Variants in NPM1 observed in about 807,000 individuals in gnomAD.
NPM1 encodes the protein nucleophosmin.
NPM1 carries 1 observed loss-of-function variant against 44.1 expected under a neutral mutation model. The ratio of observed to expected loss-of-function variants is 0.02; its 90% CI spans 0.01 to 0.11. The LOEUF (loss-of-function observed/expected upper bound fraction) is 0.11. NPM1 is among the 10% of genes least tolerant of loss of function. NPM1 has a pLI of 1.00. For missense variants in NPM1, 197 were observed against 347.8 expected, an observed-to-expected ratio of 0.57 and a Z score of 3.45; for synonymous variants, 126 against 111.8, an observed-to-expected ratio of 1.13 and a Z score of -0.80.
Position 171,387,919 on chromosome 5 carries a change from C to G in NPM1, c.-30C>G. 1 of 1,605,468 alleles carries G rather than the reference C, an allele frequency of 6.2e-7. No homozygotes were observed. Among genetic ancestry groups the G allele is most frequent in the South Asian group, 1.1e-5 (1 of 90,854 alleles). ...GCGTTCTTTTATCTCCGTCCGCCTT[C>G]TCTCCTACCTAAGTGCGTGCCGCCA... is the stretch of plus-strand genomic sequence containing the variant. On this transcript the variant is annotated 5_prime_UTR_variant, in exon 1 of 11. Transcript: ENST00000296930.
intron 1 of NPM1, among the ~76,000 whole-genome samples, 197 bp downstream of exon 1, chr5:171,388,203 G>A (rs1215388685): frequency 1.3e-5 from 2 of 151,988 alleles, no homozygotes; most frequent in African/African-American, 4.8e-5. Flanking sequence ...GTGGCGTGAA[G>A]GGGGAGGAGA....
chr5:171,389,813 A>G (rs754997796), intron 1 of NPM1, among the ~76,000 whole-genome samples: 21 of 152,218 alleles, frequency 1.4e-4, no homozygotes, highest in African/African-American at 5.1e-4. Context: ...AACAGTACCT[A>G]TCAGCGTAGT....
chr5:171,393,860 C>T (rs1484972193), intron 6 of NPM1, among the ~76,000 whole-genome samples: 3 of 152,098 alleles, frequency 2.0e-5, no homozygotes, highest in South Asian at 2.1e-4. Context: ...TGACCAGGCG[C>T]AGTGGTTCAC....
rs548074459 is a variant in NPM1, at chr5:171,388,898, T to A, written c.58+892T>A. The stretch of plus-strand genomic sequence containing the variant: ...TTAGTAAAGGCAATAAGAGACTAAA[T>A]CTAAACCAAGACGCTTGACTCCGTA... On this transcript the variant is annotated intron_variant, in intron 1 of 10. Transcript: ENST00000296930. 6.6e-5 allele frequency among the ~76,000 whole-genome samples: 10 copies of A among 152,294 alleles called. No homozygotes were observed. The South Asian group carries it at 2.1e-3, about 32-fold the overall frequency.
intron 6 of NPM1, among the ~76,000 whole-genome samples, chr5:171,396,924 G>T (rs1770925586): frequency 6.6e-6 from 1 of 152,054 alleles, no homozygotes; most frequent in South Asian, 2.1e-4. Context: ...AGTGAGCCGA[G>T]ATCGCACCAT....
chr5:171,397,086 C>T (rs1324841767), intron 6 of NPM1, among the ~76,000 whole-genome samples: 2 of 152,164 alleles, frequency 1.3e-5, no homozygotes, highest in Non-Finnish European at 2.9e-5. Flanking sequence ...AGGTATTACC[C>T]CTCATGCTCT....
At chr5:171,395,567 G>A (rs1238099178) in intron 6 of NPM1, among the ~76,000 whole-genome samples, 3 of 152,062 alleles carry the variant, frequency 2.0e-5, no homozygotes, top group South Asian at 2.1e-4. Context: ...ATGCACCGCC[G>A]CAAGTTTTCA....
At chr5:171,389,977 C>A in intron 1 of NPM1, 74 bp from the exon 2 acceptor site, 1 of 875,238 alleles carries the variant, frequency 1.1e-6, no homozygotes, top group Non-Finnish European at 1.8e-6. Flanking sequence ...TAGACCTGAC[C>A]TTTTTGGTTA....
chr5:171,409,927 TG>T (rs1315727904), intron 10 of NPM1, among the ~76,000 whole-genome samples: 1 of 152,144 alleles, frequency 6.6e-6, no homozygotes, highest in African/African-American at 2.4e-5. Context: ...CCTGAGTAGC[TG>T]GGCCTCCTGT....
intron 6 of NPM1, among the ~76,000 whole-genome samples, chr5:171,394,095 G>GTGGTGGAGT (rs1770743489): frequency 7.2e-6 from 1 of 139,574 alleles, no homozygotes; most frequent in African/African-American, 2.7e-5. Flanking sequence ...AGGCTGGAGT[G>GTGGTGGAGT]CGGTGGCGCC....
intron 8 of NPM1, among the ~76,000 whole-genome samples, chr5:171,404,695 G>A (rs911295429): frequency 2.1e-5 from 3 of 143,542 alleles, no homozygotes; most frequent in South Asian, 2.5e-4. Context: ...CAGACGATGG[G>A]CGGCCAGGCA....
chr5:171,398,076 T>C (rs186975097), intron 6 of NPM1, among the ~76,000 whole-genome samples: 63 of 151,766 alleles, frequency 4.2e-4, no homozygotes, highest in African/African-American at 1.5e-3. Flanking sequence ...CGTGAGCCAC[T>C]GCACTGGGCC....
chr5:171,389,943 A>G (rs2113157766), intron 1 of NPM1, 108 bp from the exon 2 acceptor site: 1 of 672,960 alleles, frequency 1.5e-6, no homozygotes, highest in Admixed American at 3.1e-5. Context: ...GGTAGCTAAA[A>G]TAGTGAAAAA....
chr5:171,409,889 G>A lies in NPM1; in HGVS notation c.847-638G>A, dbSNP rs567514561. On this transcript the variant is annotated intron_variant, in intron 10 of 10. Coordinates refer to ENST00000296930, the MANE Select transcript of NPM1 (RefSeq NM_002520.7). ...GGCTCACTGCAACCTCTGCCTCTTG[G>A]GCTCAGGCAGTCCTCCCACCTCAGC... 1.2e-4 allele frequency among the ~76,000 whole-genome samples: 18 copies of A among 151,744 alleles called. No homozygotes were observed. In the East Asian group the frequency reaches 3.5e-3, roughly 29 times the overall value.
intron 6 of NPM1, among the ~76,000 whole-genome samples, chr5:171,394,506 T>G (rs1770772457): frequency 6.6e-6 from 1 of 152,166 alleles, no homozygotes; most frequent in Middle Eastern, 3.2e-3. Flanking sequence ...TTTACCATGC[T>G]ACTCAGACTG....
chr5:171,408,017 C>A (rs540567796), intron 10 of NPM1, among the ~76,000 whole-genome samples: 2 of 152,018 alleles, frequency 1.3e-5, no homozygotes, highest in Admixed American at 1.3e-4. Context: ...TAAATTATTT[C>A]TTGGTTATTG....
intron 9 of NPM1, chr5:171,406,636 C>T: frequency 1.5e-6 from 2 of 1,321,766 alleles, no homozygotes; most frequent in South Asian, 2.5e-5. Context: ...TTGCCCTTTG[C>T]TTTCTATTAC....
chr5:171,405,165 TTGA>T (rs776725844), intron 8 of NPM1, 134 bp from the exon 9 acceptor site: 86 of 609,226 alleles, frequency 1.4e-4, no homozygotes, highest in Middle Eastern at 4.5e-4. Context: ...CGTGAATTTA[TTGA>T]TGATAATTCC....
intron 6 of NPM1, among the ~76,000 whole-genome samples, chr5:171,398,426 A>G (rs1052662264): frequency 6.6e-6 from 1 of 152,196 alleles, no homozygotes; most frequent in Non-Finnish European, 1.5e-5. Flanking sequence ...TTGCCCCAAC[A>G]TGATTTGTTC....
Sources: allele counts gnomAD v4.1 joint callset (sites outside exome capture counted in the v4.1 genomes callset), GRCh38; gene constraint gnomAD v4.1.1; transcripts MANE v1.5; gene names NCBI Gene and HGNC (gene_info 2026-07-23, HGNC 2026-07-21).